The following EPHB1 variants were observed in gnomAD, a reference collection of about 807,000 sequenced individuals.
EPHB1 encodes the protein EPH receptor B1.
In EPHB1, 30 loss-of-function variants were observed where a neutral mutation model predicts 94.4. The observed-to-expected ratio is 0.32, with a 90% CI of 0.24 to 0.43. The LOEUF is 0.43. Ranked by LOEUF, EPHB1 falls within the 20% of genes least tolerant of loss-of-function variation. The pLI, the probability that EPHB1 is intolerant of heterozygous loss-of-function variation, is 1.00. For synonymous variants in EPHB1, 522 were observed against 489.1 expected, an observed-to-expected ratio of 1.07 and a Z score of -0.89; for missense variants, 1,055 against 1,308.3, an observed-to-expected ratio of 0.81 and a Z score of 2.99.
At chr3:134,997,175 T>C (rs748193881) in intron 3 of EPHB1, among the ~76,000 whole-genome samples, 4 of 152,244 alleles carry the variant, frequency 2.6e-5, no homozygotes, top group Admixed American at 6.5e-5. Context: ...CCTTGGGAAA[T>C]TGATCCTTCA....
intron 1 of EPHB1, among the ~76,000 whole-genome samples, chr3:134,810,276 A>AGTGT (rs35841212): frequency 0.49 from 71,117 of 145,672 alleles, 18,713 homozygotes; most frequent in Non-Finnish European, 0.59. Flanking sequence ...GCACAGGAGG[A>AGTGT]GTGTGTGTGT....
At chr3:135,236,264 C>T (rs1463602652) in intron 12 of EPHB1, among the ~76,000 whole-genome samples, 1 of 152,092 alleles carries the variant, frequency 6.6e-6, no homozygotes, top group Non-Finnish European at 1.5e-5. Context: ...TCACCCCAAT[C>T]TCTGCCTCCA....
intron 5 of EPHB1, among the ~76,000 whole-genome samples, chr3:135,142,776 C>T (rs1940870926): frequency 6.6e-6 from 1 of 152,044 alleles, no homozygotes; most frequent in South Asian, 2.1e-4. Flanking sequence ...ACATTGAACT[C>T]ACACACAGGA....
intron 12 of EPHB1, among the ~76,000 whole-genome samples, chr3:135,214,938 G>C (rs987086175): frequency 6.6e-6 from 1 of 152,174 alleles, no homozygotes; most frequent in Non-Finnish European, 1.5e-5. Flanking sequence ...ATCACACTAT[G>C]CTTTATGAAC....
chr3:135,222,830 A>G (rs1270761202), intron 12 of EPHB1, among the ~76,000 whole-genome samples: 2 of 152,170 alleles, frequency 1.3e-5, no homozygotes, highest in Admixed American at 1.3e-4. Flanking sequence ...GAACCAATAC[A>G]CTGGGTACAA....
intron 3 of EPHB1, among the ~76,000 whole-genome samples, chr3:135,082,510 G>A (rs145052290): frequency 8.0e-4 from 122 of 152,320 alleles, no homozygotes; most frequent in Admixed American, 1.8e-3. Context: ...TAAGTCTTGA[G>A]AGGATCTATA....
intron 12 of EPHB1, among the ~76,000 whole-genome samples, chr3:135,236,232 T>C (rs1943649306): frequency 1.3e-5 from 2 of 152,288 alleles, no homozygotes; most frequent in Non-Finnish European, 2.9e-5. Context: ...CAATTCTTGA[T>C]ATAACTTGGT....
intron 2 of EPHB1, among the ~76,000 whole-genome samples, chr3:134,949,761 G>A (rs1932946295): frequency 6.6e-6 from 1 of 152,044 alleles, no homozygotes; most frequent in African/African-American, 2.4e-5. Flanking sequence ...CAGAATATAA[G>A]TTTAAATTTA....
chr3:134,994,756 C>T (rs1362624187), intron 3 of EPHB1, among the ~76,000 whole-genome samples: 1 of 152,154 alleles, frequency 6.6e-6, no homozygotes, highest in Non-Finnish European at 1.5e-5. Flanking sequence ...TTCTTTGTTA[C>T]ATTTTCATTG....
intron 1 of EPHB1, among the ~76,000 whole-genome samples, chr3:134,887,925 C>T (rs1201665959): frequency 6.6e-6 from 1 of 152,230 alleles, no homozygotes; most frequent in African/African-American, 2.4e-5. Context: ...TGTTGATTCA[C>T]TTTGCCCACT....
In EPHB1 at chr3:135,235,166, G is replaced by A. The variant is rs766625491; in HGVS notation, c.2347-5982G>A. ...CATTGATGATTTGAATGTGCTTCAG[G>A]TGATTCTTACATGTAGTCATTAGTC... On this transcript the variant is annotated intron_variant, in intron 12 of 15. Coordinates refer to ENST00000398015, the MANE Select transcript of EPHB1 (RefSeq NM_004441.5). Among the ~76,000 whole-genome samples the A allele has an allele frequency of 5.9e-5, 9 of 152,136 alleles. No homozygotes were observed. The East Asian group carries it at 1.2e-3, about 20-fold the overall frequency.
At chr3:135,087,099 C>G (rs1049800111) in intron 3 of EPHB1, among the ~76,000 whole-genome samples, 11 of 152,174 alleles carry the variant, frequency 7.2e-5, no homozygotes, top group African/African-American at 2.7e-4. Flanking sequence ...TGTCAAAACC[C>G]TTTAGCTCCT....
chr3:134,995,513 T>C (rs253881), intron 3 of EPHB1, among the ~76,000 whole-genome samples: 75,843 of 151,896 alleles, frequency 0.5, 20,739 homozygotes, highest in African/African-American at 0.73. Context: ...TAGAGATGAC[T>C]AATGAGCATA....
At chr3:134,884,507 C>T (rs1026275317) in intron 1 of EPHB1, among the ~76,000 whole-genome samples, 1 of 152,112 alleles carries the variant, frequency 6.6e-6, no homozygotes, top group African/African-American at 2.4e-5. Flanking sequence ...AGAAGGTGGT[C>T]TATTTTTGCT....
At chr3:134,925,738 G>A (rs998512858) in intron 1 of EPHB1, 78 bp from the exon 2 acceptor site, 22 of 1,240,132 alleles carry the variant, frequency 1.8e-5, no homozygotes, top group Middle Eastern at 5.5e-4. Flanking sequence ...AAACAACTTC[G>A]TGACCTTGAG....
chr3:134,903,252 A>T (rs1011123411), intron 1 of EPHB1, among the ~76,000 whole-genome samples: 2 of 152,234 alleles, frequency 1.3e-5, no homozygotes, highest in Admixed American at 6.5e-5. Flanking sequence ...CGTTGGAAGG[A>T]GCAGGGCTCT....
intron 4 of EPHB1, among the ~76,000 whole-genome samples, chr3:135,117,876 A>G (rs552933412): frequency 1.1e-4 from 17 of 151,332 alleles, no homozygotes; most frequent in African/African-American, 4.1e-4. Context: ...CTTGCATGGC[A>G]GCTGTGTAGT....
intron 1 of EPHB1, among the ~76,000 whole-genome samples, chr3:134,869,259 G>A (rs2037446554): frequency 6.6e-6 from 1 of 152,182 alleles, no homozygotes; most frequent in African/African-American, 2.4e-5. Context: ...AAGCAAACAG[G>A]GAATTTATCA....
intron 3 of EPHB1, among the ~76,000 whole-genome samples, chr3:135,000,428 T>C (rs767693693): frequency 2.0e-5 from 3 of 152,198 alleles, no homozygotes; most frequent in African/African-American, 4.8e-5. Context: ...TCCATTTAAA[T>C]GAGAGGCAGA....
Sources: allele counts gnomAD v4.1 joint callset (sites outside exome capture counted in the v4.1 genomes callset), GRCh38; gene constraint gnomAD v4.1.1; transcripts MANE v1.5; gene names NCBI Gene and HGNC (gene_info 2026-07-23, HGNC 2026-07-21).